The following SLC7A5 variants were observed in gnomAD, a reference collection of about 807,000 sequenced individuals.
SLC7A5 encodes the protein solute carrier family 7 member 5.
Under a neutral mutation model 50.2 loss-of-function variants are expected in SLC7A5, and 23 were observed. The ratio of observed to expected loss-of-function variants is 0.46; its 90% CI spans 0.33 to 0.65. The LOEUF is 0.65. Among genes scored for constraint, SLC7A5 ranks in the 30% least tolerant of loss-of-function variants. SLC7A5 has a pLI of 0.02. For synonymous variants in SLC7A5, 393 were observed against 330.6 expected, an observed-to-expected ratio of 1.19 and a Z score of -2.05; for missense variants, 578 against 684.4, an observed-to-expected ratio of 0.84 and a Z score of 1.73.
intron 1 of SLC7A5, among the ~76,000 whole-genome samples, chr16:87,855,160 C>T (rs889416304): frequency 1.6e-4 from 24 of 152,222 alleles, no homozygotes; most frequent in African/African-American, 5.5e-4. Flanking sequence ...CTCCTCAGGA[C>T]CCTGGGGTGG....
chr16:87,834,762 C>G (rs2054976980), intron 8 of SLC7A5, 171 bp from the exon 9 acceptor site: 1 of 704,024 alleles, frequency 1.4e-6, no homozygotes. Context: ...GTCCCGCCCT[C>G]GACTCTGCAT....
chr16:87,849,011 C>A (rs1426363262), intron 2 of SLC7A5, among the ~76,000 whole-genome samples: 3 of 152,238 alleles, frequency 2.0e-5, no homozygotes, highest in African/African-American at 7.2e-5. Flanking sequence ...CCTTTTCAGC[C>A]CCAATGGAGC....
At chr16:87,851,977 G>T in intron 1 of SLC7A5, 128 bp from the exon 2 acceptor site, 3 of 1,074,212 alleles carry the variant, frequency 2.8e-6, no homozygotes, top group Non-Finnish European at 2.8e-6. Flanking sequence ...TCCTTAAACA[G>T]CTCCAGTCCC....
chr16:87,844,227 T>G (rs1284586049), intron 2 of SLC7A5, among the ~76,000 whole-genome samples: 1 of 152,086 alleles, frequency 6.6e-6, no homozygotes, highest in Non-Finnish European at 1.5e-5. Flanking sequence ...CTGGTGGAGC[T>G]GCCATGAAAG....
chr16:87,843,769 C>T (rs1268271062), intron 2 of SLC7A5, among the ~76,000 whole-genome samples: 1 of 152,182 alleles, frequency 6.6e-6, no homozygotes, highest in Non-Finnish European at 1.5e-5. Context: ...ATGCACGGGA[C>T]ACCCCCACAC....
intron 1 of SLC7A5, among the ~76,000 whole-genome samples, chr16:87,866,907 C>G (rs979390778): frequency 4.6e-5 from 7 of 151,988 alleles, no homozygotes; most frequent in African/African-American, 1.7e-4. Flanking sequence ...CTGGCACCAG[C>G]AGGAAGTCAG....
rs372894326 is a variant in SLC7A5, at chr16:87,860,399, CATATAT to C, written c.538+8480_538+8485del. On this transcript the variant is annotated intron_variant, in intron 1 of 9. Transcript: ENST00000261622. The surrounding 1 kb of genome is among the most constrained non-coding windows in gnomAD (Gnocchi z 4.8). ...ACACACACACACACACACACACACA[CATATAT>C]ATATAAAGAAAAAGGAAATCTTCGA... Among the ~76,000 whole-genome samples, 2 of 74,478 alleles carry C rather than the reference CATATAT, an allele frequency of 2.7e-5. No homozygotes were observed. Among genetic ancestry groups the C allele is most frequent in the African/African-American group, 1.1e-4 (2 of 18,042 alleles). The allele number at this position is 74,478 out of a possible 152,430, so 48.9% of individuals were successfully genotyped here.
intron 1 of SLC7A5, among the ~76,000 whole-genome samples, chr16:87,866,452 C>T (rs1233617901): frequency 6.6e-6 from 1 of 152,086 alleles, no homozygotes; most frequent in East Asian, 1.9e-4. Flanking sequence ...AGGTGTGCGC[C>T]ATGACGCCCA....
At chr16:87,839,498 T>A (rs2055056156) in intron 5 of SLC7A5, among the ~76,000 whole-genome samples, 1 of 152,172 alleles carries the variant, frequency 6.6e-6, no homozygotes, top group South Asian at 2.1e-4. Context: ...CAGCTGAGCT[T>A]GAGGATGATC....
intron 3 of SLC7A5, 28 bp from the exon 4 acceptor site, chr16:87,840,501 TATATG>T (rs113883650): frequency 0.23 from 352,573 of 1,562,154 alleles, 43,449 homozygotes; most frequent in South Asian, 0.43. Flanking sequence ...GCGTTCAAAT[TATATG>T]ATCCTCATCA....
At chr16:87,837,724 C>G (rs2055025838) in intron 7 of SLC7A5, 121 bp downstream of exon 7, 2 of 765,140 alleles carry the variant, frequency 2.6e-6, no homozygotes, top group Admixed American at 2.2e-5. Flanking sequence ...GGCAGGAGGC[C>G]ACATTTGAGC....
In SLC7A5 at chr16:87,830,533, G is replaced by C. The variant is rs964404182; in HGVS notation, c.*2437C>G. On this transcript the variant is annotated 3_prime_UTR_variant, in exon 10 of 10. Coordinates refer to ENST00000261622, the MANE Select transcript of SLC7A5 (RefSeq NM_003486.7). ...CCTGTGGAATTCCAGCACAGCAGGA[G>C]GGGGAGGGGGAAGCAGGCCTCAGTC... is the stretch of plus-strand genomic sequence containing the variant. 3.9e-5 allele frequency: 6 copies of C among 152,596 alleles called. No individual in the cohort carries two copies. Among genetic ancestry groups the C allele is most frequent in the South Asian group, 4.1e-4 (2 of 4,834 alleles). 9.5% of individuals were successfully genotyped at this position (152,596 alleles called of 1,614,324 possible).
In SLC7A5 at chr16:87,861,614, T is replaced by C. The variant is rs747885117; in HGVS notation, c.538+7271A>G. ...CAAGAGGTGGTCCAAGAGTGTGCCC[T>C]ACCTTGGACACCCCTCTCCTGGGGG... On this transcript the variant is annotated intron_variant, in intron 1 of 9. Transcript: ENST00000261622. This position sits in a 1 kb window ranked among gnomAD's most constrained non-coding sequence, Gnocchi z 4.2. Among the ~76,000 whole-genome samples the C allele has an allele frequency of 3.9e-5, 6 of 152,134 alleles. No individual in the cohort carries two copies. Among genetic ancestry groups the C allele is most frequent in the Non-Finnish European group, 7.4e-5 (5 of 68,008 alleles).
chr16:87,833,896 C>T lies in SLC7A5; in HGVS notation c.1468+518G>A, dbSNP rs552246781. Among the ~76,000 whole-genome samples the T allele has an allele frequency of 1.3e-5, 2 of 151,470 alleles. No homozygotes were observed. Among genetic ancestry groups the T allele is most frequent in the African/African-American group, 4.9e-5 (2 of 41,186 alleles). ...TTGAGAAGAGTCTCGCTCTGTCGCC[C>T]AGGCTGGAGTGCAATGGTGCGATCT... On this transcript the variant is annotated intron_variant, in intron 9 of 9. Coordinates refer to ENST00000261622, the MANE Select transcript of SLC7A5 (RefSeq NM_003486.7). This position sits in a 1 kb window ranked among gnomAD's most constrained non-coding sequence, Gnocchi z 6.0.
At chr16:87,837,591 C>A (rs140106213) in intron 7 of SLC7A5, 4 of 503,654 alleles carry the variant, frequency 7.9e-6, no homozygotes, top group South Asian at 4.7e-5. Context: ...CAGAGCAGCA[C>A]CCCGGGTCAG....
rs139112840 is a variant in SLC7A5, at chr16:87,841,502, G to A, written c.665-347C>T. Among the ~76,000 whole-genome samples, 529 of 152,318 alleles carry A rather than the reference G, an allele frequency of 3.5e-3. 7 individuals carry two copies. The highest frequency in any genetic ancestry group is 0.022 in the Admixed American group (333 of 15,300). On this transcript the variant is annotated intron_variant, in intron 2 of 9. Coordinates refer to ENST00000261622, the MANE Select transcript of SLC7A5 (RefSeq NM_003486.7). The surrounding 1 kb of genome is among the most constrained non-coding windows in gnomAD (Gnocchi z 4.8). ...TCAAGAAGGTTCCCTGAGACCTCAC[G>A]ACATGAGTGTCAAGGCAGTATAAAG...
intron 2 of SLC7A5, 76 bp downstream of exon 2, chr16:87,851,648 G>T: frequency 6.4e-7 from 1 of 1,559,056 alleles, no homozygotes; most frequent in East Asian, 2.3e-5. Context: ...ACCCGGGGAC[G>T]GGACCTCATG....
chr16:87,867,621 C>T (rs2055479797), intron 1 of SLC7A5, among the ~76,000 whole-genome samples: 1 of 151,944 alleles, frequency 6.6e-6, no homozygotes. Flanking sequence ...CAGTCAGAAG[C>T]CACTCCCCTG....
rs1377554819 is a variant in SLC7A5, at chr16:87,862,935, G to A, written c.538+5950C>T. Among the ~76,000 whole-genome samples the A allele has an allele frequency of 2.0e-5, 3 of 152,178 alleles. No homozygotes were observed. The highest frequency in any genetic ancestry group is 7.2e-5 in the African/African-American group (3 of 41,450). The stretch of plus-strand genomic sequence containing the variant: ...ACCTCACTCCAGGGACCCTGGCACC[G>A]TCTCCCATGAGGCCAGGTGTCCTCA... On this transcript the variant is annotated intron_variant, in intron 1 of 9. Coordinates refer to ENST00000261622, the MANE Select transcript of SLC7A5 (RefSeq NM_003486.7). The surrounding 1 kb of genome is among the most constrained non-coding windows in gnomAD (Gnocchi z 5.3).
Sources: gnomAD v4.1 joint callset for allele counts (sites outside exome capture counted in the v4.1 genomes callset) on GRCh38, gnomAD v4.1.1 for gene constraint, Gnocchi (gnomAD v3.1) non-coding constraint, MANE v1.5 for transcripts, NCBI Gene and HGNC (gene_info 2026-07-23, HGNC 2026-07-21) for gene names.